The following RASSF5 variants were observed in gnomAD, a reference collection of about 807,000 sequenced individuals.
RASSF5 encodes the protein Ras association domain family member 5, also known as ras association domain-containing protein 5.
RASSF5 carries 25 observed loss-of-function variants against 40.5 expected under a neutral mutation model. That is an observed-to-expected ratio of 0.62 (90% CI 0.45 to 0.86). The LOEUF is 0.86. Among genes scored for constraint, RASSF5 ranks in the 40% least tolerant of loss-of-function variants. The pLI, the probability that RASSF5 is intolerant of heterozygous loss-of-function variation, is 0.00. For synonymous variants in RASSF5, 246 were observed against 252.4 expected (o/e 0.97, Z 0.24); for missense variants, 521 against 572.8 (o/e 0.91, Z 0.92).
At position 206,584,479 on chromosome 1, in the gene RASSF5, C is replaced by T. The variant is rs782647521; in HGVS notation, c.783C>T (p.Ile261=). The change falls in exon 4 of 6, where the codon ATC becomes ATT. Residue 261 remains isoleucine (I), a synonymous_variant. Transcript: ENST00000579436. The surrounding 1 kb of genome is among the most constrained non-coding windows in gnomAD (Gnocchi z 4.9). Reference sequence around the variant, plus strand: ...CTGCTGGGATCCGGCCCCAGTCCATCTATGATGCCATCAAGGAGGTGAACC... The same window carrying T: ...CTGCTGGGATCCGGCCCCAGTCCATTTATGATGCCATCAAGGAGGTGAACC... ...TVPAGIRPQS[I]YDAIKEVNLA... The T allele has an allele frequency of 2.5e-6, 4 of 1,614,082 alleles. No individual in the cohort carries two copies. The highest frequency in any genetic ancestry group is 3.4e-6 in the Non-Finnish European group (4 of 1,180,042).
chr1:206,584,322 G>A lies in RASSF5; in HGVS notation c.691-65G>A, dbSNP rs1038163442. 59 of 1,500,958 alleles carry A rather than the reference G, an allele frequency of 3.9e-5. No individual in the cohort carries two copies. In the East Asian group the frequency reaches 6.2e-4, roughly 16 times the overall value. 93.0% of individuals were successfully genotyped at this position (1,500,958 alleles called of 1,614,324 possible). A position where few individuals can be genotyped will look rare whatever the true frequency, so the allele number is the denominator to read the frequency against. On this transcript the variant is annotated intron_variant, in intron 3 of 5. Coordinates refer to ENST00000579436, the MANE Select transcript of RASSF5 (RefSeq NM_182663.4). The surrounding 1 kb of genome is among the most constrained non-coding windows in gnomAD (Gnocchi z 4.9). Reference sequence around the variant, plus strand: ...TGGGTGCTGCTGGGGCAATGGCCCCGAGTGGCAGATATGATCATGCAAGGC... The same window carrying A: ...TGGGTGCTGCTGGGGCAATGGCCCCAAGTGGCAGATATGATCATGCAAGGC...
chr1:206,525,915 A>G (rs763180774), intron 1 of RASSF5, among the ~76,000 whole-genome samples: 14 of 152,206 alleles, frequency 9.2e-5, no homozygotes, highest in Non-Finnish European at 1.2e-4. Flanking sequence ...AAAGACCAGG[A>G]TCTTGGGGTG....
chr1:206,554,077 A>G (rs778409750), intron 2 of RASSF5, among the ~76,000 whole-genome samples: 9 of 152,250 alleles, frequency 5.9e-5, no homozygotes, highest in South Asian at 2.1e-4. Context: ...GTGCCTGCAC[A>G]TACTAGCTAA....
intron 2 of RASSF5, among the ~76,000 whole-genome samples, chr1:206,565,394 C>G (rs1389574071): frequency 6.6e-6 from 1 of 152,252 alleles, no homozygotes; most frequent in Non-Finnish European, 1.5e-5. Flanking sequence ...GGTTCCCTTT[C>G]CTTCCGGAGT....
chr1:206,528,718 A>G (rs1553397549), intron 1 of RASSF5, among the ~76,000 whole-genome samples: 1 of 152,132 alleles, frequency 6.6e-6, no homozygotes, highest in Non-Finnish European at 1.5e-5. Flanking sequence ...GTGAACCGAC[A>G]TTGTTCCAAA....
intron 2 of RASSF5, among the ~76,000 whole-genome samples, chr1:206,553,180 T>C (rs782112769): frequency 5.9e-5 from 9 of 151,952 alleles, no homozygotes; most frequent in African/African-American, 1.9e-4. Context: ...CCAGCCTGGG[T>C]GACAGAGAAA....
At chr1:206,557,334 A>C in intron 2 of RASSF5, 1 of 1,278,730 alleles carries the variant, frequency 7.8e-7, no homozygotes, top group Non-Finnish European at 9.9e-7. Flanking sequence ...CTGCAGGCGC[A>C]GGCGGCGCGG....
chr1:206,518,213 G>T (rs1377436606), intron 1 of RASSF5, among the ~76,000 whole-genome samples: 2 of 152,150 alleles, frequency 1.3e-5, no homozygotes, highest in Non-Finnish European at 2.9e-5. Flanking sequence ...GGAGGGGAAA[G>T]GACCTCAGTG....
intron 2 of RASSF5, among the ~76,000 whole-genome samples, chr1:206,571,684 G>T (rs1219685473): frequency 6.6e-6 from 1 of 152,222 alleles, no homozygotes; most frequent in East Asian, 1.9e-4. Flanking sequence ...AAAAGACACT[G>T]TCAGTTCCAG....
chr1:206,513,510 G>A lies in RASSF5; in HGVS notation c.457+5451G>A, dbSNP rs1462374296. 1.3e-5 allele frequency among the ~76,000 whole-genome samples: 2 copies of A among 152,196 alleles called. No individual in the cohort carries two copies. The highest frequency in any genetic ancestry group is 2.9e-5 in the Non-Finnish European group (2 of 68,038). ...CCTTCTCACAAGCTTGCAGACCTGG[G>A]TCTGTGCTGGTGGCAGGATGCTTTC... is the stretch of plus-strand genomic sequence containing the variant. On this transcript the variant is annotated intron_variant, in intron 1 of 5. Transcript: ENST00000579436. The surrounding 1 kb of genome is among the most constrained non-coding windows in gnomAD (Gnocchi z 5.0).
intron 2 of RASSF5, among the ~76,000 whole-genome samples, chr1:206,569,271 TGG>T (rs1271661351): frequency 1.3e-5 from 2 of 152,224 alleles, no homozygotes; most frequent in Admixed American, 1.3e-4. Flanking sequence ...AGAAAGACTG[TGG>T]GCTCAGAGCA....
Position 206,583,310 on chromosome 1 carries a change from A to C in RASSF5, c.621A>C (p.Thr207=). Residue 207 remains threonine, a synonymous_variant, in exon 3 of 6, where the codon ACA becomes ACC. Coordinates refer to ENST00000579436, the MANE Select transcript of RASSF5 (RefSeq NM_182663.4). ...KPVEETQRPP[T]LQEIKQKIDS... Reference sequence around the variant, plus strand: ...TGGAGGAGACACAGCGCCCGCCCACACTGCAGGAGATCAAGCAGAAGATCG... The same window carrying C: ...TGGAGGAGACACAGCGCCCGCCCACCCTGCAGGAGATCAAGCAGAAGATCG... The C allele has an allele frequency of 6.2e-7, 1 of 1,613,066 alleles. No homozygotes were observed.
chr1:206,530,816 G>C (rs1168469010), intron 1 of RASSF5, among the ~76,000 whole-genome samples: 1 of 152,188 alleles, frequency 6.6e-6, no homozygotes, highest in South Asian at 2.1e-4. Context: ...TTGCTCATAG[G>C]GGAGCCATGG....
chr1:206,509,859 C>T (rs921512875), intron 1 of RASSF5, among the ~76,000 whole-genome samples: 15 of 151,934 alleles, frequency 9.9e-5, no homozygotes, highest in Admixed American at 5.9e-4. Flanking sequence ...TTAAGTCATA[C>T]GTCGTTTCTA....
intron 1 of RASSF5, among the ~76,000 whole-genome samples, chr1:206,530,202 A>G (rs1268532523): frequency 1.3e-5 from 2 of 152,214 alleles, no homozygotes; most frequent in African/African-American, 4.8e-5. Flanking sequence ...CAAAGCAAAC[A>G]TGTGACCTGC....
rs1669170374 is a variant in RASSF5 at position 206,587,615 on chromosome 1, C to A, written c.*637C>A. On this transcript the variant is annotated 3_prime_UTR_variant, in exon 6 of 6. Coordinates refer to ENST00000579436, the MANE Select transcript of RASSF5 (RefSeq NM_182663.4). ...AGATCTCCAGAGAAGCTGCAGCCTG[C>A]CCTGGCCCTGGCTCTGGCCCTGGCC... 6.4e-6 allele frequency: 1 copy of A among 155,184 alleles called. No homozygotes were observed. Among genetic ancestry groups the A allele is most frequent in the Admixed American group, 6.4e-5 (1 of 15,654 alleles). 9.6% of individuals were successfully genotyped at this position (155,184 alleles called of 1,614,324 possible).
rs183340545 is a variant in RASSF5 at position 206,520,040 on chromosome 1, C to T, written c.457+11981C>T. 2.4e-4 allele frequency among the ~76,000 whole-genome samples: 37 copies of T among 152,302 alleles called. 1 individual carries two copies. Among genetic ancestry groups the T allele is most frequent in the Non-Finnish European group, 8.8e-5 (6 of 68,024 alleles). ...AGAATTATTCAGCAGATCATTTCCT[C>T]GCTCCTTTGCTATTCAGTCCAAGGA... On this transcript the variant is annotated intron_variant, in intron 1 of 5. Coordinates refer to ENST00000579436, the MANE Select transcript of RASSF5 (RefSeq NM_182663.4).
rs528818045 is a variant in RASSF5, at chr1:206,572,631, C to T, written c.580-10638C>T. On this transcript the variant is annotated intron_variant, in intron 2 of 5. Coordinates refer to ENST00000579436, the MANE Select transcript of RASSF5 (RefSeq NM_182663.4). ...CAGCTGGAAAGTATGGTCACTTCTC[C>T]ATGAGGCACAGCAGGCATCGTGCCA... The T allele has an allele frequency of 4.9e-4, 75 of 152,330 alleles. 1 individual carries two copies. Among genetic ancestry groups the T allele is most frequent in the African/African-American group, 1.7e-3 (70 of 41,572 alleles). 9.4% of individuals were successfully genotyped at this position (152,330 alleles called of 1,614,324 possible). A position where few individuals can be genotyped will look rare whatever the true frequency, so the allele number is the denominator to read the frequency against.
intron 2 of RASSF5, among the ~76,000 whole-genome samples, chr1:206,564,769 C>G (rs1668239662): frequency 6.6e-6 from 1 of 152,128 alleles, no homozygotes; most frequent in Non-Finnish European, 1.5e-5. Context: ...GGGTGGGGAT[C>G]CAGACCTAGC....
Sources: allele counts gnomAD v4.1 joint callset (sites outside exome capture counted in the v4.1 genomes callset), GRCh38; gene constraint gnomAD v4.1.1; non-coding constraint Gnocchi (gnomAD v3.1); transcripts MANE v1.5; gene names NCBI Gene and HGNC (gene_info 2026-07-23, HGNC 2026-07-21).